Variants in CTXN3 observed in about 807,000 individuals in gnomAD.
CTXN3 encodes cortexin-3.
CTXN3 carries 4 observed loss-of-function variants against 5.0 expected under a neutral mutation model. The ratio of observed to expected loss-of-function variants is 0.79; its 90% CI spans 0.39 to 1.82. The LOEUF is 1.82. Among genes scored for constraint, CTXN3 ranks in the 40% most tolerant of loss-of-function variants. The probability of loss-of-function intolerance (pLI) is 0.04; values close to 1 mark genes in which losing one functional copy is unlikely to be tolerated. For missense variants in CTXN3, 89 were observed against 99.7 expected (o/e 0.89, Z 0.46); for synonymous variants, 48 against 38.6 (o/e 1.24, Z -0.91).
At chr5:127,656,806 T>C (rs571102791) in intron 2 of CTXN3, among the ~76,000 whole-genome samples, 1 of 152,150 alleles carries the variant, frequency 6.6e-6, no homozygotes, top group Admixed American at 6.5e-5. Flanking sequence ...CATTGCTACT[T>C]GCATTTTTAC....
chr5:127,649,881 A>T (rs1166660645), intron 1 of CTXN3, among the ~76,000 whole-genome samples: 2 of 152,150 alleles, frequency 1.3e-5, no homozygotes, highest in African/African-American at 4.8e-5. Context: ...AGCCGTTTTC[A>T]CTATGAAACA....
intron 1 of CTXN3, among the ~76,000 whole-genome samples, chr5:127,649,985 C>T (rs1034393262): frequency 1.3e-5 from 2 of 152,044 alleles, no homozygotes; most frequent in Admixed American, 6.6e-5. Flanking sequence ...CTGATACCAC[C>T]GATTCCTGAC....
At chr5:127,651,469 C>T (rs930917052) in intron 1 of CTXN3, among the ~76,000 whole-genome samples, 4 of 152,024 alleles carry the variant, frequency 2.6e-5, no homozygotes, top group Admixed American at 1.3e-4. Context: ...CATCATTTGG[C>T]GTTGGGGTGG....
At chr5:127,656,608 T>G (rs1266554300) in intron 2 of CTXN3, among the ~76,000 whole-genome samples, 2 of 152,222 alleles carry the variant, frequency 1.3e-5, no homozygotes, top group African/African-American at 4.8e-5. Context: ...ACTTGATAGT[T>G]TGGGAGACTG....
At position 127,657,661 on chromosome 5, in the gene CTXN3, G is replaced by C; in HGVS notation, c.140G>C (p.Arg47Pro). The C allele has an allele frequency of 6.2e-7, 1 of 1,614,132 alleles. No individual in the cohort carries two copies. Among genetic ancestry groups the C allele is most frequent in the South Asian group, 1.1e-5 (1 of 91,074 alleles). The change falls in exon 3 of 3, where the codon CGG (arginine) becomes CCG (proline). Residue 47 changes from arginine to proline, a missense_variant. Coordinates refer to ENST00000379445, the MANE Select transcript of CTXN3 (RefSeq NM_001048252.3). ...ATTTTCTTGGGCATTCTCATTGTCC[G>C]GTGCTTCCGGATTCTTTTGGATCCA... Reference protein sequence around the residue: ...LFIFLGILIVRCFRILLDPYR... With the variant: ...LFIFLGILIVPCFRILLDPYR...
chr5:127,654,981 T>C (rs1173541396), intron 2 of CTXN3, among the ~76,000 whole-genome samples: 1 of 152,032 alleles, frequency 6.6e-6, no homozygotes. Flanking sequence ...TTTCTGAAAA[T>C]GGCCAGGCAT....
At chr5:127,653,159 C>T (rs1326852873) in intron 1 of CTXN3, 158 bp from the exon 2 acceptor site, 3 of 152,132 alleles carry the variant, frequency 2.0e-5, no homozygotes, top group African/African-American at 7.2e-5. Flanking sequence ...GTGTGAATGA[C>T]CCTGGCTGCA....
At chr5:127,649,914 C>G (rs1366792351) in intron 1 of CTXN3, among the ~76,000 whole-genome samples, 1 of 152,026 alleles carries the variant, frequency 6.6e-6, no homozygotes, top group African/African-American at 2.4e-5. Flanking sequence ...CAAAGAAAAC[C>G]AGGTGGAACA....
intron 2 of CTXN3, among the ~76,000 whole-genome samples, chr5:127,654,135 A>G (rs529336806): frequency 3.3e-5 from 5 of 152,226 alleles, no homozygotes; most frequent in Non-Finnish European, 7.3e-5. Flanking sequence ...AAAATATTGC[A>G]ATTTAGTAGG....
rs145954174 is a variant in CTXN3 at position 127,657,540 on chromosome 5, A to G, written c.19A>G (p.Ile7Val). Residue 7 changes from isoleucine to valine, a missense_variant, in exon 3 of 3, where the codon ATC (isoleucine) becomes GTC (valine). Physicochemically the swap from Ile to Val is conservative, Grantham distance 29. Transcript: ENST00000379445. ...CTGGACCATGGATGGAGGACAGCCC[A>G]TCCCCTCATCCCTAGTGCCCCTTGG... MDGGQP[I>V]PSSLVPLGNE... is the part of the protein sequence containing the mutation. The G allele has an allele frequency of 3.1e-6, 5 of 1,613,960 alleles. No individual in the cohort carries two copies. The African/African-American group carries it at 6.7e-5, about 22-fold the overall frequency.
chr5:127,657,471 T>C lies in CTXN3; in HGVS notation c.-51T>C. ...AGCCACCATGACCTCCGCAGATTGA[T>C]GATGGAAGAAAAGAAAACCAGGATA... On this transcript the variant is annotated 5_prime_UTR_variant, in exon 3 of 3. An upstream start codon of the reference 5' UTR is lost. Transcript: ENST00000379445. The C allele has an allele frequency of 6.2e-7, 1 of 1,603,882 alleles. No individual in the cohort carries two copies. Among genetic ancestry groups the C allele is most frequent in the Non-Finnish European group, 8.5e-7 (1 of 1,175,376 alleles).
rs1028807755 is a variant in CTXN3, at chr5:127,657,073, A to G, written c.-99-350A>G. Among the ~76,000 whole-genome samples the G allele has an allele frequency of 3.3e-5, 5 of 152,184 alleles. No homozygotes were observed. The South Asian group carries it at 6.2e-4, about 19-fold the overall frequency. On this transcript the variant is annotated intron_variant, in intron 2 of 2. Transcript: ENST00000379445. ...CTATCGTAAGAACAATGTGAGAGTA[A>G]TATTAGTGGAGCAGAGCAGGAGGAG...
chr5:127,650,416 C>G (rs763584350), intron 1 of CTXN3, among the ~76,000 whole-genome samples: 6 of 152,048 alleles, frequency 3.9e-5, no homozygotes, highest in Non-Finnish European at 7.4e-5. Flanking sequence ...ACCCTTAGCC[C>G]CCCTTTGAAT....
chr5:127,657,805 T>C lies in CTXN3; in HGVS notation c.*38T>C. 2 of 1,609,930 alleles carry C rather than the reference T, an allele frequency of 1.2e-6. No homozygotes were observed. Among genetic ancestry groups the C allele is most frequent in the Non-Finnish European group, 1.7e-6 (2 of 1,177,144 alleles). ...GGGATCTCCTCCTGAGGAGATGAAGTGCTTTGTGTCTTGGTGAGGATTCCC... is the reference window on the plus strand; with the variant it reads ...GGGATCTCCTCCTGAGGAGATGAAGCGCTTTGTGTCTTGGTGAGGATTCCC... On this transcript the variant is annotated 3_prime_UTR_variant, in exon 3 of 3. Transcript: ENST00000379445.
In CTXN3 at chr5:127,657,439, A is replaced by G. The variant is rs1749934118; in HGVS notation, c.-83A>G. ...TCCCTGCAGATAACTCAGCCTCTCC[A>G]GAGTGCAGCCACCATGACCTCCGCA... On this transcript the variant is annotated 5_prime_UTR_variant, in exon 3 of 3. Coordinates refer to ENST00000379445, the MANE Select transcript of CTXN3 (RefSeq NM_001048252.3). The G allele has an allele frequency of 6.6e-7, 1 of 1,519,038 alleles. No individual in the cohort carries two copies. Among genetic ancestry groups the G allele is most frequent in the South Asian group, 1.2e-5 (1 of 83,534 alleles). 94.1% of individuals were successfully genotyped at this position (1,519,038 alleles called of 1,614,324 possible). A position where few individuals can be genotyped will look rare whatever the true frequency, so the allele number is the denominator to read the frequency against.
At position 127,655,543 on chromosome 5, in the gene CTXN3, A is replaced by G. The variant is rs112486462; in HGVS notation, c.-99-1880A>G. Reference sequence around the variant, plus strand: ...GGAGAATTTTATATTTCATATGATTAAGTATAGTTTGAATATTTTTGGTGG... The same window carrying G: ...GGAGAATTTTATATTTCATATGATTGAGTATAGTTTGAATATTTTTGGTGG... On this transcript the variant is annotated intron_variant, in intron 2 of 2. Coordinates refer to ENST00000379445, the MANE Select transcript of CTXN3 (RefSeq NM_001048252.3). 4.5e-4 allele frequency among the ~76,000 whole-genome samples: 69 copies of G among 152,278 alleles called. 3 individuals are homozygous for G. The highest frequency in any genetic ancestry group is 1.5e-3 in the African/African-American group (64 of 41,552).
At chr5:127,652,432 C>T (rs1028315855) in intron 1 of CTXN3, 12 of 152,022 alleles carry the variant, frequency 7.9e-5, no homozygotes, top group African/African-American at 2.9e-4. Context: ...CAAATAATTC[C>T]TCAAGGAGCT....
chr5:127,653,651 CAT>C (rs1377096226), intron 2 of CTXN3: 1 of 152,208 alleles, frequency 6.6e-6, no homozygotes, highest in East Asian at 1.9e-4. Context: ...TAAAAATTTA[CAT>C]GTCTTGAGAT....
At chr5:127,653,878 C>T (rs1191621498) in intron 2 of CTXN3, among the ~76,000 whole-genome samples, 1 of 152,144 alleles carries the variant, frequency 6.6e-6, no homozygotes, top group Non-Finnish European at 1.5e-5. Flanking sequence ...GTTTCTGGAT[C>T]TCTTTATCCC....
Sources: allele counts gnomAD v4.1 joint callset (sites outside exome capture counted in the v4.1 genomes callset), GRCh38; gene constraint gnomAD v4.1.1; transcripts MANE v1.5; gene names NCBI Gene and HGNC (gene_info 2026-07-23, HGNC 2026-07-21).